TXNRD2: variants seen among roughly 807,000 people sequenced by gnomAD.
The protein encoded by TXNRD2 is thioredoxin reductase 2, mitochondrial.
TXNRD2 carries 67 observed loss-of-function variants against 70.8 expected under a neutral mutation model. The ratio of observed to expected loss-of-function variants is 0.95; its 90% CI spans 0.78 to 1.16. TXNRD2 has a LOEUF of 1.16. Among genes scored for constraint, TXNRD2 ranks in the 50% most tolerant of loss-of-function variants. TXNRD2 has a pLI of 0.00. For synonymous variants in TXNRD2, 301 were observed against 295.8 expected (o/e 1.02, Z -0.18); for missense variants, 644 against 719.9 (o/e 0.89, Z 1.21).
intron 11 of TXNRD2, chr22:19,895,201 C>T: frequency 1.3e-6 from 2 of 1,598,132 alleles, no homozygotes; most frequent in Non-Finnish European, 1.7e-6. Flanking sequence ...ATGCAAGGTG[C>T]TGGGGATGGC....
chr22:19,883,567 G>A, intron 11 of TXNRD2, 106 bp from the exon 12 acceptor site: 1 of 1,528,390 alleles, frequency 6.5e-7, no homozygotes. Context: ...ACCGGGTGCA[G>A]TGGCTCCTGC....
intron 4 of TXNRD2, among the ~76,000 whole-genome samples, chr22:19,918,457 T>G (rs1404017062): frequency 6.6e-6 from 1 of 152,228 alleles, no homozygotes; most frequent in African/African-American, 2.4e-5. Flanking sequence ...CAGATGCAGC[T>G]GCTCTGTGCC....
chr22:19,937,355 T>C (rs1203033726), intron 1 of TXNRD2, among the ~76,000 whole-genome samples: 1 of 152,224 alleles, frequency 6.6e-6, no homozygotes, highest in Non-Finnish European at 1.5e-5. Context: ...CTTTTACTAT[T>C]GTTAAACAGG....
intron 16 of TXNRD2, among the ~76,000 whole-genome samples, chr22:19,877,692 C>T (rs753552498): frequency 3.3e-5 from 5 of 152,214 alleles, no homozygotes; most frequent in Non-Finnish European, 2.9e-5. Flanking sequence ...CCTTTGACCC[C>T]GGGACCCCGA....
chr22:19,929,880 G>A (rs1328728672), intron 2 of TXNRD2, among the ~76,000 whole-genome samples: 2 of 152,096 alleles, frequency 1.3e-5, no homozygotes, highest in Non-Finnish European at 2.9e-5. Context: ...ACAAAACCAC[G>A]TCATCCTCTG....
chr22:19,941,660 G>A (rs1484801519), intron 1 of TXNRD2, 41 bp downstream of exon 1: 1 of 1,429,946 alleles, frequency 7.0e-7, no homozygotes. Flanking sequence ...CACCCCGGCC[G>A]CGCGGACACC....
chr22:19,939,432 T>C (rs1941628928), intron 1 of TXNRD2, among the ~76,000 whole-genome samples: 1 of 152,236 alleles, frequency 6.6e-6, no homozygotes, highest in African/African-American at 2.4e-5. Context: ...TTTTATTTAA[T>C]AATTATCTTC....
intron 8 of TXNRD2, among the ~76,000 whole-genome samples, chr22:19,909,561 CTCACATA>C: frequency 1.4e-5 from 1 of 71,038 alleles, no homozygotes; most frequent in Non-Finnish European, 2.8e-5. Flanking sequence ...TCACACACTA[CTCACATA>C]CACACACCAC....
chr22:19,929,005 C>CA (rs376971304), intron 2 of TXNRD2, among the ~76,000 whole-genome samples: 7,125 of 122,590 alleles, frequency 0.058, 406 homozygotes, highest in African/African-American at 0.17. Flanking sequence ...GACTCGCTTG[C>CA]AAAAAAAAAA....
At chr22:19,919,458 G>T in intron 3 of TXNRD2, 85 bp downstream of exon 3, 2 of 1,219,922 alleles carry the variant, frequency 1.6e-6, no homozygotes, top group Non-Finnish European at 1.2e-6. Context: ...GAAGGACTTT[G>T]GTGTCAGCTG....
At chr22:19,886,587 C>T (rs947216795) in intron 11 of TXNRD2, among the ~76,000 whole-genome samples, 6 of 152,156 alleles carry the variant, frequency 3.9e-5, no homozygotes, top group Non-Finnish European at 8.8e-5. Flanking sequence ...GGTCAGCTCC[C>T]GACCATTTCC....
At chr22:19,918,828 A>C in intron 4 of TXNRD2, 32 bp downstream of exon 4, 2 of 1,601,830 alleles carry the variant, frequency 1.2e-6, no homozygotes, top group Non-Finnish European at 1.7e-6. Context: ...GTAGAAGAAA[A>C]GCACTGGAAT....
intron 1 of TXNRD2, among the ~76,000 whole-genome samples, chr22:19,937,693 C>T (rs1413321623): frequency 6.6e-6 from 1 of 152,122 alleles, no homozygotes; most frequent in Non-Finnish European, 1.5e-5. Flanking sequence ...CTTGGTCATA[C>T]CCAAAAAAAC....
At chr22:19,889,776 C>T (rs1569076952) in intron 11 of TXNRD2, among the ~76,000 whole-genome samples, 2 of 152,138 alleles carry the variant, frequency 1.3e-5, no homozygotes, top group Non-Finnish European at 2.9e-5. Context: ...TCACCCGGCC[C>T]TTTAACAATT....
chr22:19,931,068 A>T lies in TXNRD2; in HGVS notation c.134T>A (p.Val45Asp). The T allele has an allele frequency of 6.2e-7, 1 of 1,613,696 alleles. No individual in the cohort carries two copies. The change falls in exon 2 of 18, where the codon GTC becomes GAC. Residue 45 changes from valine to aspartate, a missense_variant. By Grantham distance (152) the Val-to-Asp change is radical. This residue lies in a region of TXNRD2 where 566 missense variants were observed against 645.0 expected (regional missense o/e 0.88). Transcript: ENST00000400521. Reference sequence around the variant, plus strand: ...AGCCAGGCCACCAGATCCCCCGCCGACCACCAGGAGATCATAGTCCCGCTG... The same window carrying T: ...AGCCAGGCCACCAGATCCCCCGCCGTCCACCAGGAGATCATAGTCCCGCTG... ...AGQRDYDLLVVGGGSGGLACA... is the reference protein window; with the variant it reads ...AGQRDYDLLVDGGGSGGLACA...
Position 19,877,025 on chromosome 22 carries a change from GC to G in TXNRD2, c.*65+14del. 1 of 1,510,992 alleles carries G rather than the reference GC, an allele frequency of 6.6e-7. No individual in the cohort carries two copies. The highest frequency in any genetic ancestry group is 1.3e-5 in the South Asian group (1 of 78,610). 93.6% of individuals were successfully genotyped at this position (1,510,992 alleles called of 1,614,324 possible). On this transcript the variant is annotated intron_variant, in intron 17 of 17. Transcript: ENST00000400521. Reference sequence around the variant, plus strand: ...CATGCCCTGTCCTCAAACAGAGCCAGCCCCACCTGCATACCTGGGTCTGGCC... The same window carrying G: ...CATGCCCTGTCCTCAAACAGAGCCAGCCCACCTGCATACCTGGGTCTGGCC...
rs552351582 is a variant in TXNRD2 at position 19,915,192 on chromosome 22, G to A, written c.591+22C>T. On this transcript the variant is annotated intron_variant, in intron 7 of 17. Transcript: ENST00000400521. ...GGGAATGGGCCACGGCAGCAGGGACGCTATGCTCTGGGGACACTCACGTGC... is the reference window on the plus strand; with the variant it reads ...GGGAATGGGCCACGGCAGCAGGGACACTATGCTCTGGGGACACTCACGTGC... The A allele has an allele frequency of 1.2e-5, 20 of 1,612,322 alleles. No individual in the cohort carries two copies. The South Asian group carries it at 1.8e-4, about 14-fold the overall frequency.
rs753233898 is a variant in TXNRD2 at position 19,880,168 on chromosome 22, C to A, written c.1275+11G>T. 2 of 1,612,670 alleles carry A rather than the reference C, an allele frequency of 1.2e-6. No homozygotes were observed. The highest frequency in any genetic ancestry group is 2.2e-5 in the South Asian group (2 of 91,082). ...GCCACTGTCCTCAGCTGTGCTGCTC[C>A]CAGGCCTCACCTCAACATGCTCCTG... On this transcript the variant is annotated intron_variant, in intron 14 of 17. Transcript: ENST00000400521.
chr22:19,908,289 C>T (rs1417745208), intron 8 of TXNRD2, among the ~76,000 whole-genome samples: 1 of 151,990 alleles, frequency 6.6e-6, no homozygotes, highest in Non-Finnish European at 1.5e-5. Context: ...AAGCTGATGC[C>T]TGAGTTACCA....
Sources: gnomAD v4.1 joint callset for allele counts (sites outside exome capture counted in the v4.1 genomes callset) on GRCh38, gnomAD v4.1.1 for gene constraint, gnomAD v4.1.1 regional missense constraint, MANE v1.5 for transcripts, NCBI Gene and HGNC (gene_info 2026-07-23, HGNC 2026-07-21) for gene names.